The following TUSC3 variants were observed in gnomAD, a reference collection of about 807,000 sequenced individuals.
The protein encoded by TUSC3 is tumor suppressor candidate 3, also known as dolichyl-diphosphooligosaccharide--protein glycosyltransferase subunit TUSC3.
In TUSC3, 45 loss-of-function variants were observed where a neutral mutation model predicts 44.8. The ratio of observed to expected loss-of-function variants is 1.00; its 90% CI spans 0.79 to 1.29. TUSC3 has a LOEUF of 1.29. TUSC3 is among the 50% of genes most tolerant of loss of function. The pLI, the probability that TUSC3 is intolerant of heterozygous loss-of-function variation, is 0.00. For missense variants in TUSC3, 519 were observed against 437.9 expected (o/e 1.19, Z -1.65); for synonymous variants, 212 against 152.9 (o/e 1.39, Z -2.85).
chr8:15,748,216 C>T (rs1375307834), intron 8 of TUSC3, among the ~76,000 whole-genome samples, 159 bp from the exon 9 acceptor site: 1 of 152,102 alleles, frequency 6.6e-6, no homozygotes, highest in Non-Finnish European at 1.5e-5. Context: ...ATAATGAACA[C>T]ATTGGATACC....
At chr8:15,673,721 T>C (rs1174457029) in intron 5 of TUSC3, 26 bp from the exon 6 acceptor site, 2 of 1,565,740 alleles carry the variant, frequency 1.3e-6, no homozygotes, top group South Asian at 1.1e-5. Context: ...GGTTTACATA[T>C]TGAAACACTG....
intron 7 of TUSC3, among the ~76,000 whole-genome samples, chr8:15,736,888 C>G (rs1351709734): frequency 6.6e-6 from 1 of 151,986 alleles, no homozygotes; most frequent in East Asian, 1.9e-4. Flanking sequence ...CACGTGAGTT[C>G]TAGGATAAGC....
At chr8:15,591,314 A>G (rs1803829899) in intron 1 of TUSC3, among the ~76,000 whole-genome samples, 1 of 142,100 alleles carries the variant, frequency 7.0e-6, no homozygotes, top group Non-Finnish European at 1.5e-5. Context: ...TTATGTCTAC[A>G]TTTATGTATT....
At chr8:15,727,925 T>TA (rs1158566166) in intron 6 of TUSC3, among the ~76,000 whole-genome samples, 3 of 152,192 alleles carry the variant, frequency 2.0e-5, no homozygotes, top group Admixed American at 1.3e-4. Flanking sequence ...AGTTTGTTCA[T>TA]AATAACACAG....
chr8:15,438,524 G>A (rs1378095598), intron 1 of TUSC3, among the ~76,000 whole-genome samples: 3 of 152,144 alleles, frequency 2.0e-5, no homozygotes, highest in Non-Finnish European at 2.9e-5. Context: ...AGGTAGACTC[G>A]TGGGTGAGAG....
chr8:15,536,512 T>G (rs1378321585), upstream of TUSC3, among the ~76,000 whole-genome samples: 1 of 151,312 alleles, frequency 6.6e-6, no homozygotes, highest in African/African-American at 2.4e-5. Context: ...TGAAACCCTA[T>G]CTGTACTGAA....
intron 1 of TUSC3, among the ~76,000 whole-genome samples, chr8:15,464,883 T>C (rs1193522135): frequency 6.6e-6 from 1 of 152,146 alleles, no homozygotes; most frequent in Admixed American, 6.5e-5. Flanking sequence ...GGAGTCTTGC[T>C]CTGTCTCCCA....
chr8:15,695,943 T>C (rs1809141650), intron 6 of TUSC3, among the ~76,000 whole-genome samples: 1 of 152,074 alleles, frequency 6.6e-6, no homozygotes, highest in Non-Finnish European at 1.5e-5. Flanking sequence ...GCATTCAGTT[T>C]TATAAGGGAA....
upstream of TUSC3, among the ~76,000 whole-genome samples, chr8:15,539,715 A>G (rs1187665886): frequency 6.6e-6 from 1 of 152,098 alleles, no homozygotes; most frequent in Non-Finnish European, 1.5e-5. Context: ...TTTTATATTA[A>G]AAGTAGCTAG....
At chr8:15,500,532 G>T (rs1800945676) in intron 2 of TUSC3, among the ~76,000 whole-genome samples, 1 of 152,066 alleles carries the variant, frequency 6.6e-6, no homozygotes, top group Non-Finnish European at 1.5e-5. Flanking sequence ...CATTTCAGTT[G>T]ATCTAAGACA....
chr8:15,447,009 G>A (rs1035484193), intron 1 of TUSC3, among the ~76,000 whole-genome samples: 2 of 151,826 alleles, frequency 1.3e-5, no homozygotes, highest in African/African-American at 2.4e-5. Context: ...ATAATCAAAT[G>A]TTGACATGGA....
intron 2 of TUSC3, among the ~76,000 whole-genome samples, chr8:15,518,026 T>C (rs1014397974): frequency 3.3e-5 from 5 of 151,958 alleles, no homozygotes; most frequent in East Asian, 1.9e-4. Context: ...TCCTACCTCC[T>C]CCTTACCCCT....
chr8:15,782,616 C>G, the TUSC3 span, among the ~76,000 whole-genome samples: 1 of 152,116 alleles, frequency 6.6e-6, no homozygotes, highest in African/African-American at 2.4e-5. Context: ...ACCATATTAA[C>G]AGAACAAAGG....
At chr8:15,462,168 C>T (rs1800354813) in intron 1 of TUSC3, among the ~76,000 whole-genome samples, 2 of 152,182 alleles carry the variant, frequency 1.3e-5, no homozygotes, top group South Asian at 2.1e-4. Flanking sequence ...ATAACTTTAG[C>T]ATGTACCATA....
intron 1 of TUSC3, among the ~76,000 whole-genome samples, chr8:15,571,421 T>C (rs1449354877): frequency 2.0e-5 from 3 of 152,180 alleles, no homozygotes; most frequent in African/African-American, 7.2e-5. Context: ...TTACACTGTA[T>C]TGTTGTCTAT....
At chr8:15,698,306 A>G (rs7813906) in intron 6 of TUSC3, among the ~76,000 whole-genome samples, 27,728 of 152,194 alleles carry the variant, frequency 0.18, 2,513 homozygotes, top group East Asian at 0.22. Flanking sequence ...TTCTACATCA[A>G]ATTCTGCAAG....
intron 6 of TUSC3, 109 bp from the exon 7 acceptor site, chr8:15,730,557 T>A (rs1315869500): frequency 9.5e-6 from 10 of 1,052,436 alleles, no homozygotes; most frequent in Non-Finnish European, 1.4e-5. Flanking sequence ...TAATAAAAAA[T>A]TAGTAAAAAT....
intron 6 of TUSC3, among the ~76,000 whole-genome samples, chr8:15,707,282 T>C (rs896998595): frequency 7.9e-5 from 12 of 152,026 alleles, no homozygotes; most frequent in Non-Finnish European, 1.2e-4. Context: ...ATCTGAAATG[T>C]GGTTATGTTG....
chr8:15,767,643 G>A (rs117937041), downstream of TUSC3, among the ~76,000 whole-genome samples: 2 of 152,272 alleles, frequency 1.3e-5, no homozygotes, highest in East Asian at 3.9e-4. Flanking sequence ...CATTCCTTAT[G>A]TGGGTTCCTG....
Sources: allele counts gnomAD v4.1 joint callset (sites outside exome capture counted in the v4.1 genomes callset), GRCh38; gene constraint gnomAD v4.1.1; transcripts MANE v1.5; gene names NCBI Gene and HGNC (gene_info 2026-07-23, HGNC 2026-07-21).